KCNMB2: variants seen among roughly 807,000 people sequenced by gnomAD.
KCNMB2 encodes calcium-activated potassium channel subunit beta-2.
KCNMB2 carries 9 observed loss-of-function variants against 24.5 expected under a neutral mutation model. The observed-to-expected ratio is 0.37, with a 90% CI of 0.22 to 0.64. The LOEUF (loss-of-function observed/expected upper bound fraction) is 0.64, where lower values mean the gene tolerates loss of function less well. Among genes scored for constraint, KCNMB2 ranks in the 30% least tolerant of loss-of-function variants. The pLI is 0.63. For synonymous variants in KCNMB2, 109 were observed against 104.4 expected, an observed-to-expected ratio of 1.04 and a Z score of -0.27; for missense variants, 226 against 284.3, an observed-to-expected ratio of 0.79 and a Z score of 1.47.
chr3:178,679,562 A>G (rs1383496413), intron 1 of KCNMB2, among the ~76,000 whole-genome samples: 1 of 152,230 alleles, frequency 6.6e-6, no homozygotes, highest in Non-Finnish European at 1.5e-5. Flanking sequence ...CAAAGCTCAG[A>G]GTGACATGCT....
At chr3:178,660,993 A>ATAT (rs10650468) in intron 1 of KCNMB2, among the ~76,000 whole-genome samples, 110,280 of 149,906 alleles carry the variant, frequency 0.74, 41,616 homozygotes, top group African/African-American at 0.93. Context: ...ACATATATAT[A>ATAT]TATTATTATT....
intron 1 of KCNMB2, among the ~76,000 whole-genome samples, chr3:178,583,810 G>A (rs1577027763): frequency 6.6e-6 from 1 of 152,090 alleles, no homozygotes; most frequent in African/African-American, 2.4e-5. Context: ...AGAAGGAAAC[G>A]GCCAGAGTTA....
intron 1 of KCNMB2, among the ~76,000 whole-genome samples, chr3:178,663,148 T>C (rs1359928486): frequency 6.6e-6 from 1 of 152,044 alleles, no homozygotes; most frequent in African/African-American, 2.4e-5. Flanking sequence ...GTTTCTTCAC[T>C]TGTTGCCAAA....
chr3:178,589,270 T>TA (rs547401549), intron 1 of KCNMB2, among the ~76,000 whole-genome samples: 139 of 152,330 alleles, frequency 9.1e-4, no homozygotes, highest in African/African-American at 2.9e-3. Flanking sequence ...AGGTGCATTG[T>TA]AAAATCACTG....
intron 1 of KCNMB2, among the ~76,000 whole-genome samples, chr3:178,707,608 T>C (rs1468285039): frequency 6.6e-6 from 1 of 152,142 alleles, no homozygotes; most frequent in Non-Finnish European, 1.5e-5. Context: ...GATGCCCAGA[T>C]GATACCCTGT....
At chr3:178,722,175 T>A (rs1403376622) in intron 1 of KCNMB2, among the ~76,000 whole-genome samples, 1 of 152,190 alleles carries the variant, frequency 6.6e-6, no homozygotes, top group African/African-American at 2.4e-5. Context: ...TTATAGCTTT[T>A]ACCTATCATA....
intron 4 of KCNMB2, among the ~76,000 whole-genome samples, chr3:178,836,953 C>T (rs1163176101): frequency 1.3e-5 from 2 of 152,118 alleles, no homozygotes; most frequent in Non-Finnish European, 2.9e-5. Context: ...ACCCTCTGAA[C>T]ACATGATAAA....
chr3:178,738,625 C>T (rs775496404), intron 1 of KCNMB2, among the ~76,000 whole-genome samples: 4 of 152,126 alleles, frequency 2.6e-5, no homozygotes, highest in Non-Finnish European at 5.9e-5. Context: ...CCCTCCTACC[C>T]AACTTAAAGC....
intron 1 of KCNMB2, among the ~76,000 whole-genome samples, chr3:178,593,806 TG>T (rs1717767806): frequency 6.6e-6 from 1 of 150,892 alleles, no homozygotes; most frequent in African/African-American, 2.4e-5. Context: ...ATTCTTAAAA[TG>T]CAAGTCTGAT....
In KCNMB2 at chr3:178,783,224, A is replaced by G. The variant is rs892740426; in HGVS notation, c.-67-24119A>G. On this transcript the variant is annotated intron_variant, in intron 1 of 4. Transcript: ENST00000452583. ...GTGGTATAGTTTGAAGTCAGGTAGCATGATGCCTCCAGCTTTGTTCTTTTG... is the reference window on the plus strand; with the variant it reads ...GTGGTATAGTTTGAAGTCAGGTAGCGTGATGCCTCCAGCTTTGTTCTTTTG... 6.4e-4 allele frequency among the ~76,000 whole-genome samples: 98 copies of G among 152,144 alleles called. 2 individuals carry two copies. In the East Asian group the frequency reaches 0.014, roughly 22 times the overall value.
rs138289503 is a variant in KCNMB2 at position 178,674,899 on chromosome 3, G to A, written c.-67-132444G>A. 4.9e-3 allele frequency among the ~76,000 whole-genome samples: 747 copies of A among 152,264 alleles called. 4 individuals are homozygous for A. The highest frequency in any genetic ancestry group is 0.017 in the African/African-American group (704 of 41,536). On this transcript the variant is annotated intron_variant, in intron 1 of 4. Coordinates refer to ENST00000452583, the MANE Select transcript of KCNMB2 (RefSeq NM_181361.3). Reference sequence around the variant, plus strand: ...CCAGAAAGAGGGCTTTATTCTCTTTGCCTAGAATGTTCTTCTCCCAGAATG... The same window carrying A: ...CCAGAAAGAGGGCTTTATTCTCTTTACCTAGAATGTTCTTCTCCCAGAATG...
intron 1 of KCNMB2, among the ~76,000 whole-genome samples, chr3:178,639,409 A>G (rs9847335): frequency 0.51 from 77,661 of 151,992 alleles, 20,363 homozygotes; most frequent in African/African-American, 0.63. Context: ...TGTACTGTCC[A>G]TTGGCTGTGG....
chr3:178,719,888 A>G (rs1293458833), intron 1 of KCNMB2, among the ~76,000 whole-genome samples: 1 of 152,154 alleles, frequency 6.6e-6, no homozygotes, highest in Non-Finnish European at 1.5e-5. Context: ...CCGTTTGCCC[A>G]GTACCTAGCC....
intron 1 of KCNMB2, among the ~76,000 whole-genome samples, chr3:178,775,264 C>A (rs1370080929): frequency 6.6e-6 from 1 of 152,024 alleles, no homozygotes; most frequent in Non-Finnish European, 1.5e-5. Context: ...TTACCATATT[C>A]CTGATACTGT....
At chr3:178,592,854 C>G (rs1199282050) in intron 1 of KCNMB2, among the ~76,000 whole-genome samples, 3 of 152,062 alleles carry the variant, frequency 2.0e-5, no homozygotes, top group Non-Finnish European at 1.5e-5. Context: ...TGTTAGCATA[C>G]TCTCTGGAGC....
At chr3:178,711,036 G>A (rs1460728988) in intron 1 of KCNMB2, among the ~76,000 whole-genome samples, 1 of 152,054 alleles carries the variant, frequency 6.6e-6, no homozygotes, top group East Asian at 1.9e-4. Context: ...TCTGTTCCAG[G>A]AACTATACCT....
intron 1 of KCNMB2, among the ~76,000 whole-genome samples, chr3:178,643,504 T>A (rs1376394676): frequency 6.6e-6 from 1 of 152,210 alleles, no homozygotes; most frequent in Non-Finnish European, 1.5e-5. Flanking sequence ...TGCATGACAC[T>A]AATGTTGGTA....
intron 1 of KCNMB2, among the ~76,000 whole-genome samples, chr3:178,636,059 A>C (rs1451717435): frequency 6.6e-6 from 1 of 152,208 alleles, no homozygotes; most frequent in African/African-American, 2.4e-5. Context: ...TTTGATTTTA[A>C]ATTAGATATA....
intron 3 of KCNMB2, among the ~76,000 whole-genome samples, chr3:178,827,805 G>T (rs1425884681): frequency 6.6e-6 from 1 of 152,164 alleles, no homozygotes; most frequent in Non-Finnish European, 1.5e-5. Flanking sequence ...ACATACAGAG[G>T]TAGGGGCTGG....
Sources: gnomAD v4.1 joint callset for allele counts (sites outside exome capture counted in the v4.1 genomes callset) on GRCh38, gnomAD v4.1.1 for gene constraint, MANE v1.5 for transcripts, NCBI Gene and HGNC (gene_info 2026-07-23, HGNC 2026-07-21) for gene names.